The following FHIT variants were observed in gnomAD, a reference collection of about 807,000 sequenced individuals.
FHIT encodes fragile histidine triad diadenosine triphosphatase.
A neutral mutation model predicts 17.9 loss-of-function variants in FHIT; 19 were observed. The ratio of observed to expected loss-of-function variants is 1.06; its 90% CI spans 0.74 to 1.56. FHIT has a LOEUF of 1.56. Among genes scored for constraint, FHIT ranks in the 40% most tolerant of loss-of-function variants. The pLI is 0.00. For missense variants in FHIT, 248 were observed against 189.2 expected (o/e 1.31, Z -1.82); for synonymous variants, 81 against 69.7 (o/e 1.16, Z -0.81).
chr3:60,459,939 T>A (rs2107405533), intron 5 of FHIT, among the ~76,000 whole-genome samples: 1 of 152,270 alleles, frequency 6.6e-6, no homozygotes, highest in South Asian at 2.1e-4. Context: ...TTAAAAAGGC[T>A]ATGTACATGT....
rs111501953 is a variant in FHIT, at chr3:60,279,661, A to G, written c.103+257199T>C. ...TATCGCTCGTGAACATGATATAAAA[A>G]GCGTCAACAAAATCTTAGCAAATCA... On this transcript the variant is annotated intron_variant, in intron 5 of 9. Coordinates refer to ENST00000492590, the MANE Select transcript of FHIT (RefSeq NM_002012.4). Among the ~76,000 whole-genome samples the G allele has an allele frequency of 3.4e-3, 519 of 152,326 alleles. 2 individuals are homozygous for G. The highest frequency in any genetic ancestry group is 0.011 in the African/African-American group (461 of 41,578).
intron 2 of FHIT, among the ~76,000 whole-genome samples, chr3:61,198,103 T>C (rs919832946): frequency 6.6e-6 from 1 of 152,078 alleles, no homozygotes. Flanking sequence ...TTATTCCAGA[T>C]CTAGCTCACT....
At chr3:59,998,544 G>A (rs1699606237) in intron 7 of FHIT, among the ~76,000 whole-genome samples, 1 of 152,084 alleles carries the variant, frequency 6.6e-6, no homozygotes, top group Non-Finnish European at 1.5e-5. Flanking sequence ...TTACTAGATG[G>A]TGAAAAATGA....
chr3:60,590,343 G>A (rs953641200), intron 4 of FHIT, among the ~76,000 whole-genome samples: 12 of 152,004 alleles, frequency 7.9e-5, no homozygotes, highest in South Asian at 4.2e-4. Context: ...GTTACTAATC[G>A]CCACAGCAGC....
intron 4 of FHIT, among the ~76,000 whole-genome samples, chr3:60,791,588 T>C (rs1553728470): frequency 1.3e-5 from 2 of 152,140 alleles, no homozygotes; most frequent in African/African-American, 4.8e-5. Flanking sequence ...AAAGCATCAT[T>C]CCAGCTGTCC....
chr3:60,481,789 A>G (rs1019007327), intron 5 of FHIT, among the ~76,000 whole-genome samples: 1 of 152,202 alleles, frequency 6.6e-6, no homozygotes, highest in African/African-American at 2.4e-5. Context: ...ATAACTAGAT[A>G]GCATCATCAT....
intron 1 of FHIT, among the ~76,000 whole-genome samples, chr3:61,204,612 C>T (rs897542563): frequency 3.4e-5 from 5 of 147,802 alleles, no homozygotes; most frequent in African/African-American, 1.2e-4. Flanking sequence ...AGGGTAAGTA[C>T]ATCTGTTAAA....
intron 7 of FHIT, among the ~76,000 whole-genome samples, chr3:59,974,319 C>T (rs1436385485): frequency 6.6e-6 from 1 of 152,138 alleles, no homozygotes; most frequent in African/African-American, 2.4e-5. Context: ...GTCCAGGAGT[C>T]TTATTTTCCA....
intron 8 of FHIT, among the ~76,000 whole-genome samples, chr3:59,791,922 C>A (rs1699579108): frequency 6.6e-6 from 1 of 152,114 alleles, no homozygotes; most frequent in Non-Finnish European, 1.5e-5. Flanking sequence ...TAGCTTACGG[C>A]AGCTAAGAAT....
At chr3:61,153,788 C>A (rs2037460186) in intron 2 of FHIT, among the ~76,000 whole-genome samples, 1 of 152,114 alleles carries the variant, frequency 6.6e-6, no homozygotes, top group Non-Finnish European at 1.5e-5. Context: ...GATTTATAGC[C>A]AATGTCCATA....
chr3:61,069,282 G>A (rs1316843457), intron 2 of FHIT, among the ~76,000 whole-genome samples: 1 of 152,122 alleles, frequency 6.6e-6, no homozygotes, highest in East Asian at 1.9e-4. Flanking sequence ...GTAACTCAAT[G>A]CACCTTCACT....
intron 3 of FHIT, among the ~76,000 whole-genome samples, chr3:61,033,164 G>A (rs2033088770): frequency 6.6e-6 from 1 of 152,166 alleles, no homozygotes; most frequent in Admixed American, 6.5e-5. Context: ...ACACACCCAG[G>A]AATAATGAGC....
intron 3 of FHIT, among the ~76,000 whole-genome samples, chr3:60,873,652 A>T (rs1361995928): frequency 6.6e-6 from 1 of 152,202 alleles, no homozygotes; most frequent in Non-Finnish European, 1.5e-5. Flanking sequence ...GGAAATTCAC[A>T]CTGACTGACT....
At chr3:60,162,167 T>C (rs542712679) in intron 5 of FHIT, among the ~76,000 whole-genome samples, 28 of 152,270 alleles carry the variant, frequency 1.8e-4, no homozygotes, top group African/African-American at 6.3e-4. Context: ...TTACTATACA[T>C]AGGAAAGCTT....
At position 61,011,593 on chromosome 3, in the gene FHIT, A is replaced by T. The variant is rs150735526; in HGVS notation, c.-111+30454T>A. ...TTCCAACTGGAGTTCATGGAATCAG[A>T]TATTCTTAAAAGAATACATTTCAAG... On this transcript the variant is annotated intron_variant, in intron 3 of 9. Coordinates refer to ENST00000492590, the MANE Select transcript of FHIT (RefSeq NM_002012.4). Among the ~76,000 whole-genome samples the T allele has an allele frequency of 1.1e-4, 16 of 152,244 alleles. No individual in the cohort carries two copies. The East Asian group carries it at 3.1e-3, about 29-fold the overall frequency.
chr3:60,449,349 AGAT>A (rs2031562343), intron 5 of FHIT, among the ~76,000 whole-genome samples: 1 of 152,146 alleles, frequency 6.6e-6, no homozygotes, highest in Admixed American at 6.6e-5. Flanking sequence ...AATAAACTGA[AGAT>A]GATGATGATG....
intron 3 of FHIT, among the ~76,000 whole-genome samples, chr3:60,984,870 T>C (rs534539565): frequency 6.6e-6 from 1 of 152,110 alleles, no homozygotes; most frequent in South Asian, 2.1e-4. Context: ...AGCCTAAGTT[T>C]TCCAAAGGTG....
intron 3 of FHIT, among the ~76,000 whole-genome samples, chr3:60,898,346 G>C (rs1254128266): frequency 1.3e-5 from 2 of 152,144 alleles, no homozygotes; most frequent in African/African-American, 4.8e-5. Context: ...TCATGAATTT[G>C]TTCAAATGCT....
intron 4 of FHIT, among the ~76,000 whole-genome samples, chr3:60,757,990 C>T (rs76867556): frequency 1.2e-3 from 188 of 152,284 alleles, no homozygotes; most frequent in African/African-American, 4.0e-3. Context: ...ACATGGACTA[C>T]GGCCCAGGGC....
Sources: gnomAD v4.1 joint callset for allele counts (sites outside exome capture counted in the v4.1 genomes callset) on GRCh38, gnomAD v4.1.1 for gene constraint, MANE v1.5 for transcripts, NCBI Gene and HGNC (gene_info 2026-07-23, HGNC 2026-07-21) for gene names.